HELZ2: variants seen among roughly 807,000 people sequenced by gnomAD.
HELZ2 encodes the protein helicase with zinc finger 2.
A neutral mutation model predicts 208.8 loss-of-function variants in HELZ2; 143 were observed. That is an observed-to-expected ratio of 0.68 (90% CI 0.60 to 0.79). The LOEUF is 0.79. Among genes scored for constraint, HELZ2 ranks in the 30% least tolerant of loss-of-function variants. The pLI, the probability that HELZ2 is intolerant of heterozygous loss-of-function variation, is 0.00. For synonymous variants in HELZ2, 1,705 were observed against 1,693.7 expected, an observed-to-expected ratio of 1.01 and a Z score of -0.16; for missense variants, 3,690 against 3,794.5, an observed-to-expected ratio of 0.97 and a Z score of 0.72.
chr20:63,559,338 A>G (rs1294708142), exon 19 of HELZ2: 5 of 1,603,026 alleles, frequency 3.1e-6, no homozygotes, highest in Non-Finnish European at 4.3e-6. Context: ...AGGCTACGCC[A>G]GAGGGGGCAG....
chr20:63,563,013 C>A (rs767538230), exon 8 of HELZ2: 1 of 1,600,674 alleles, frequency 6.2e-7, no homozygotes. Flanking sequence ...TCATCCACGT[C>A]GCGGTACCGG....
At chr20:63,565,369 G>A (rs1391972940) in exon 8 of HELZ2, 3 of 1,608,144 alleles carry the variant, frequency 1.9e-6, no homozygotes, top group African/African-American at 2.7e-5. Flanking sequence ...TGGGGCCCGA[G>A]GAGGCATCGT....
At chr20:63,564,185 G>C (rs116364411) in exon 8 of HELZ2, 3 of 1,611,522 alleles carry the variant, frequency 1.9e-6, no homozygotes, top group African/African-American at 1.3e-5. Context: ...GACCGTCCGC[G>C]TGCACTCGCT....
chr20:63,561,402 A>C, exon 13 of HELZ2: 1 of 1,612,950 alleles, frequency 6.2e-7, no homozygotes, highest in Admixed American at 1.7e-5. Context: ...CGGGTGTCAA[A>C]GGCCTTGATT....
At chr20:63,570,947 C>A in intron 1 of HELZ2, 79 bp from the exon 3 acceptor site, 2 of 1,158,988 alleles carry the variant, frequency 1.7e-6, no homozygotes, top group East Asian at 2.5e-5. Context: ...CCCCTCAGCC[C>A]AATACTGGCC....
exon 8 of HELZ2, chr20:63,562,998 C>T (rs148162381): frequency 1.5e-5 from 24 of 1,600,332 alleles, no homozygotes; most frequent in South Asian, 1.5e-4. Context: ...CACACGCAGG[C>T]GTACTCATCC....
chr20:63,569,331 A>T lies in HELZ2; in HGVS notation c.905T>A (p.Val302Glu). 1.9e-6 allele frequency: 3 copies of T among 1,597,238 alleles called. No homozygotes were observed. Among genetic ancestry groups the T allele is most frequent in the Non-Finnish European group, 2.6e-6 (3 of 1,171,112 alleles). Residue 302 changes from valine (V) to glutamate (E), a missense_variant, in exon 4 of 19, where the codon GTG (valine) becomes GAG (glutamate). Coordinates refer to ENST00000467148, the Ensembl canonical transcript of HELZ2. The stretch of plus-strand genomic sequence containing the variant: ...CTCGGCCGTCCGCTCCACGCCAGGC[A>T]CCACGTGGCGGTTGCCAGTGTGCCA...
chr20:63,572,367 C>T (rs751536565), exon 1 of HELZ2: 12 of 1,547,662 alleles, frequency 7.8e-6, no homozygotes, highest in South Asian at 1.2e-5. Flanking sequence ...CCCAGCTGCT[C>T]GGCCTCCCAC....
rs200073654 is a variant in HELZ2 at position 63,569,918 on chromosome 20, C to T, written c.571-253G>A. Among the ~76,000 whole-genome samples the T allele has an allele frequency of 3.7e-4, 57 of 152,306 alleles. No homozygotes were observed. The East Asian group carries it at 0.01, about 28-fold the overall frequency. On this transcript the variant is annotated intron_variant, in intron 3 of 18. Coordinates refer to ENST00000467148, the Ensembl canonical transcript of HELZ2. ...GGGCAGCTTGAGGCCTCACCACCCA[C>T]TCTCCAGGTGCCAGACCCTGGTGAA...
exon 8 of HELZ2, chr20:63,562,706 G>T (rs767343927): frequency 2.5e-6 from 4 of 1,600,172 alleles, no homozygotes; most frequent in Non-Finnish European, 2.6e-6. Context: ...CCAGGTATAC[G>T]TGCCGGGGTC....
At chr20:63,572,460 A>ACTGCAGGTTT, upstream of HELZ2, 1 of 1,399,764 alleles carries the variant, frequency 7.1e-7, no homozygotes, top group Non-Finnish European at 9.4e-7. Context: ...ACAAACCTGC[A>ACTGCAGGTTT]GTAGGCAGGA....
chr20:63,567,893 CA>C (rs1281153571), intron 5 of HELZ2: 2 of 650,954 alleles, frequency 3.1e-6, no homozygotes, highest in African/African-American at 3.6e-5. Flanking sequence ...ACCCCCAATC[CA>C]GAAATCAGCC....
At chr20:63,569,370 T>C in exon 4 of HELZ2, 1 of 1,608,524 alleles carries the variant, frequency 6.2e-7, no homozygotes. Flanking sequence ...CTCCATCTCC[T>C]CAGGGTGGCC....
In HELZ2 at chr20:63,564,737, AGG is replaced by A; in HGVS notation, c.4083_4084del (p.Leu1362GlyfsTer12). ...CACAGCCACCTCGCACCTGGGACCC[AGG>A]TCTCGGACACTGAGGGCATCATCGA... is the stretch of plus-strand genomic sequence containing the variant. On this transcript the variant is annotated frameshift_variant, in exon 8 of 19. Coordinates refer to ENST00000467148, the Ensembl canonical transcript of HELZ2. LOFTEE classifies it high-confidence loss of function. The A allele has an allele frequency of 6.2e-7, 1 of 1,611,440 alleles. No homozygotes were observed. Among genetic ancestry groups the A allele is most frequent in the Non-Finnish European group, 8.5e-7 (1 of 1,179,220 alleles).
exon 19 of HELZ2, chr20:63,559,306 C>T: frequency 1.3e-6 from 2 of 1,599,758 alleles, no homozygotes; most frequent in Non-Finnish European, 1.7e-6. Context: ...CGAGGGTCTG[C>T]TGAGCCTCGC....
At chr20:63,572,353 G>A (rs760871533) in exon 1 of HELZ2, 35 of 1,564,964 alleles carry the variant, frequency 2.2e-5, no homozygotes, top group Non-Finnish European at 2.8e-5. Flanking sequence ...CCCGCTGGAG[G>A]CCACCCAGCT....
In HELZ2 at chr20:63,567,431, C is replaced by T. The variant is rs530436906; in HGVS notation, c.1927G>A (p.Val643Met). The T allele has an allele frequency of 9.0e-6, 14 of 1,563,338 alleles. No individual in the cohort carries two copies. Among genetic ancestry groups the T allele is most frequent in the South Asian group, 1.2e-5 (1 of 85,682 alleles). ...GCCTGGGAGGTGGTGGTGACCACCA[C>T]GCGGTGCCGCGCCAGCTCTGCCCGT... Residue 643 changes from valine to methionine, a missense_variant, in exon 6 of 19, where the codon GTG becomes ATG. Transcript: ENST00000467148.
exon 5 of HELZ2, chr20:63,568,614 G>T: frequency 6.2e-7 from 1 of 1,600,792 alleles, no homozygotes; most frequent in Non-Finnish European, 8.5e-7. Flanking sequence ...ACCACCAGCT[G>T]CTCCTCAGGC....
At chr20:63,565,800 C>G in exon 8 of HELZ2, 1 of 1,599,670 alleles carries the variant, frequency 6.3e-7, no homozygotes, top group Non-Finnish European at 8.5e-7. Context: ...TCACGGGATG[C>G]TGGGCTCAGA....
Sources: allele counts gnomAD v4.1 joint callset (sites outside exome capture counted in the v4.1 genomes callset), GRCh38; gene constraint gnomAD v4.1.1; transcripts MANE v1.5; gene names NCBI Gene and HGNC (gene_info 2026-07-23, HGNC 2026-07-21).